The following FNDC1 variants were observed in gnomAD, a reference collection of about 807,000 sequenced individuals.
FNDC1 encodes the protein fibronectin type III domain containing 1, also known as fibronectin type III domain-containing protein 1.
FNDC1 carries 96 observed loss-of-function variants against 168.0 expected under a neutral mutation model. The observed-to-expected ratio is 0.57, with a 90% CI of 0.48 to 0.68. The LOEUF is 0.68. FNDC1 is among the 30% of genes least tolerant of loss of function. FNDC1 has a pLI of 0.00. For missense variants in FNDC1, 2,587 were observed against 2,482.1 expected (o/e 1.04, Z -0.90); for synonymous variants, 1,099 against 1,025.9 (o/e 1.07, Z -1.36).
chr6:159,232,442 TTGG>T lies in FNDC1; in HGVS notation c.1934_1936del (p.Val645del), dbSNP rs1257102684. ...GCCTGCCAGCTTGAATGACAACGAC[TTGG>T]TGGACTCAGACGAAGATGAGCGCGC... On this transcript the variant is annotated inframe_deletion, in exon 11 of 23. Transcript: ENST00000297267. The surrounding 1 kb of genome is among the most constrained non-coding windows in gnomAD (Gnocchi z 4.9). 6.2e-7 allele frequency: 1 copy of T among 1,611,890 alleles called. No individual in the cohort carries two copies. The highest frequency in any genetic ancestry group is 1.3e-5 in the African/African-American group (1 of 74,996).
At chr6:159,187,313 C>A (rs1007959785) in intron 1 of FNDC1, among the ~76,000 whole-genome samples, 2 of 152,164 alleles carry the variant, frequency 1.3e-5, no homozygotes, top group Admixed American at 6.5e-5. Context: ...TCTCGTGGCA[C>A]CTGGGACACC....
rs562613860 is a variant in FNDC1 at position 159,234,283 on chromosome 6, C to T, written c.3771C>T (p.Val1257=). 24 of 1,600,136 alleles carry T rather than the reference C, an allele frequency of 1.5e-5. No homozygotes were observed. In the South Asian group the frequency reaches 2.2e-4, roughly 15 times the overall value. The change falls in exon 11 of 23, where the codon GTC becomes GTT. Residue 1257 remains valine (V), a synonymous_variant. Coordinates refer to ENST00000297267, the MANE Select transcript of FNDC1 (RefSeq NM_032532.3). ...PPGSSPRASH[V]PSRLPPRSAA... ...GCAGCTCCCCCAGGGCCTCCCACGT[C>T]CCTTCCCGACTGCCGCCTCGCAGCG...
At chr6:159,189,535 G>A (rs1782083926) in intron 1 of FNDC1, among the ~76,000 whole-genome samples, 1 of 152,178 alleles carries the variant, frequency 6.6e-6, no homozygotes, top group Admixed American at 6.5e-5. Context: ...TAAGAATTTA[G>A]GCAAGCAGGA....
chr6:159,171,073 C>T (rs1781646487), intron 1 of FNDC1, among the ~76,000 whole-genome samples: 1 of 152,042 alleles, frequency 6.6e-6, no homozygotes, highest in Admixed American at 6.5e-5. Flanking sequence ...CTGCCACCTG[C>T]CCGTGGGTTG....
At chr6:159,180,838 C>T (rs113887395) in intron 1 of FNDC1, among the ~76,000 whole-genome samples, 5,598 of 152,174 alleles carry the variant, frequency 0.037, 328 homozygotes, top group African/African-American at 0.13. Flanking sequence ...CTGCATAGTA[C>T]TCCATGGTGT....
intron 12 of FNDC1, among the ~76,000 whole-genome samples, chr6:159,236,556 C>G (rs1043198365): frequency 6.6e-6 from 1 of 152,174 alleles, no homozygotes; most frequent in African/African-American, 2.4e-5. Context: ...TTTTCATTTG[C>G]CTTGACTGGT....
At position 159,269,324 on chromosome 6, in the gene FNDC1, A is replaced by ACTATCTAT. The variant is rs534803404; in HGVS notation, c.5569+1412_5569+1419dup. On this transcript the variant is annotated intron_variant, in intron 22 of 22. Coordinates refer to ENST00000297267, the MANE Select transcript of FNDC1 (RefSeq NM_032532.3). ...TCCATCTATCCTATCTATTTATCTA[A>ACTATCTAT]CTATCTATCTATCTATCTATCCATT... 5.9e-4 allele frequency among the ~76,000 whole-genome samples: 24 copies of ACTATCTAT among 40,494 alleles called. 6 individuals carry two copies. Among genetic ancestry groups the ACTATCTAT allele is most frequent in the South Asian group, 1.6e-3 (2 of 1,246 alleles). 26.6% of individuals were successfully genotyped at this position (40,494 alleles called of 152,430 possible). A position where few individuals can be genotyped will look rare whatever the true frequency, so the allele number is the denominator to read the frequency against.
intron 11 of FNDC1, among the ~76,000 whole-genome samples, chr6:159,235,128 A>G (rs1487626923): frequency 7.2e-5 from 11 of 152,234 alleles, no homozygotes; most frequent in Non-Finnish European, 1.6e-4. Flanking sequence ...ATTGTCACAA[A>G]GAGGAGTTAC....
At chr6:159,187,656 A>C (rs1311869785) in intron 1 of FNDC1, among the ~76,000 whole-genome samples, 1 of 152,116 alleles carries the variant, frequency 6.6e-6, no homozygotes, top group African/African-American at 2.4e-5. Context: ...ACATCACAGA[A>C]CCACAAAACA....
chr6:159,250,353 T>A (rs1777227917), intron 16 of FNDC1, among the ~76,000 whole-genome samples: 1 of 152,208 alleles, frequency 6.6e-6, no homozygotes, highest in African/African-American at 2.4e-5. Flanking sequence ...GTTTCATTAT[T>A]TGCCCAAAAG....
At chr6:159,267,538 T>C (rs1777616191) in intron 21 of FNDC1, among the ~76,000 whole-genome samples, 1 of 152,246 alleles carries the variant, frequency 6.6e-6, no homozygotes, top group Non-Finnish European at 1.5e-5. Flanking sequence ...TAGAAAAGTC[T>C]ACTCGAAACT....
At chr6:159,239,362 G>T (rs369769112) in intron 13 of FNDC1, among the ~76,000 whole-genome samples, 155 bp from the exon 14 acceptor site, 2 of 152,276 alleles carry the variant, frequency 1.3e-5, no homozygotes, top group South Asian at 2.1e-4. Context: ...TCTCAGGATC[G>T]TGGAGCATAC....
intron 1 of FNDC1, among the ~76,000 whole-genome samples, chr6:159,170,468 C>A (rs1187926980): frequency 6.6e-6 from 1 of 152,212 alleles, no homozygotes; most frequent in Non-Finnish European, 1.5e-5. Flanking sequence ...AAGCTTCCTG[C>A]AGAGAGAGAC....
At chr6:159,270,702 G>T (rs1479553968) in intron 22 of FNDC1, among the ~76,000 whole-genome samples, 22 of 152,052 alleles carry the variant, frequency 1.4e-4, no homozygotes, top group Non-Finnish European at 2.9e-5. Context: ...AATGCTACAG[G>T]TTTTTTTTGA....
intron 14 of FNDC1, among the ~76,000 whole-genome samples, chr6:159,241,694 T>C (rs1783424587): frequency 6.6e-6 from 1 of 152,256 alleles, no homozygotes; most frequent in African/African-American, 2.4e-5. Flanking sequence ...ACTGTTTCAC[T>C]AACAACTTCA....
chr6:159,271,403 C>T lies in FNDC1; in HGVS notation c.5646C>T (p.Gly1882=), dbSNP rs1251334704. ...IGFGTPYYYV[G]WYECGVSIPG... is the part of the protein sequence containing the mutation. ...TCGGAACCCCCTACTACTATGTGGG[C>T]TGGTACGAGTGTGGGGTCTCCATCC... is the stretch of plus-strand genomic sequence containing the variant. Residue 1882 remains glycine, a synonymous_variant, in exon 23 of 23, where the codon GGC becomes GGT. Transcript: ENST00000297267. 6.2e-7 allele frequency: 1 copy of T among 1,612,068 alleles called. No homozygotes were observed. Among genetic ancestry groups the T allele is most frequent in the African/African-American group, 1.3e-5 (1 of 74,870 alleles).
At chr6:159,240,917 C>T (rs1278995375) in intron 14 of FNDC1, 1 of 152,168 alleles carries the variant, frequency 6.6e-6, no homozygotes, top group Non-Finnish European at 1.5e-5. Context: ...AAGATGTTTC[C>T]TTTCAGGAAT....
At chr6:159,246,578 G>A (rs1053669527) in intron 14 of FNDC1, among the ~76,000 whole-genome samples, 4 of 152,208 alleles carry the variant, frequency 2.6e-5, no homozygotes, top group African/African-American at 4.8e-5. Context: ...GCAGGCATGC[G>A]GGCGAGTGGG....
At chr6:159,219,399 G>C (rs1338730231) in intron 5 of FNDC1, among the ~76,000 whole-genome samples, 2 of 152,142 alleles carry the variant, frequency 1.3e-5, no homozygotes, top group Non-Finnish European at 2.9e-5. Flanking sequence ...TGACACCATT[G>C]CATGTTCATC....
Sources: allele counts gnomAD v4.1 joint callset (sites outside exome capture counted in the v4.1 genomes callset), GRCh38; gene constraint gnomAD v4.1.1; non-coding constraint Gnocchi (gnomAD v3.1); transcripts MANE v1.5; gene names NCBI Gene and HGNC (gene_info 2026-07-23, HGNC 2026-07-21).